The following LPXN variants were observed in gnomAD, a reference collection of about 807,000 sequenced individuals.
LPXN encodes the protein leupaxin.
A neutral mutation model predicts 45.6 loss-of-function variants in LPXN; 28 were observed. That is an observed-to-expected ratio of 0.61 (90% CI 0.45 to 0.84). The LOEUF (loss-of-function observed/expected upper bound fraction) is 0.84. Among genes scored for constraint, LPXN ranks in the 40% least tolerant of loss-of-function variants. LPXN has a pLI of 0.00. For missense variants in LPXN, 459 were observed against 475.0 expected (o/e 0.97, Z 0.31); for synonymous variants, 166 against 169.9 (o/e 0.98, Z 0.18).
intron 3 of LPXN, among the ~76,000 whole-genome samples, chr11:58,555,544 T>C (rs967699178): frequency 1.4e-4 from 21 of 152,196 alleles, no homozygotes; most frequent in African/African-American, 5.1e-4. Flanking sequence ...AAATTAACTA[T>C]GTATGAAGAT....
intron 1 of LPXN, among the ~76,000 whole-genome samples, chr11:58,573,492 T>C (rs1189929022): frequency 6.6e-6 from 1 of 152,108 alleles, no homozygotes; most frequent in Non-Finnish European, 1.5e-5. Flanking sequence ...ACAATAAAGA[T>C]TATAAGAGAG....
At chr11:58,575,947 T>C, upstream of LPXN, 2 of 1,444,968 alleles carry the variant, frequency 1.4e-6, no homozygotes, top group Non-Finnish European at 1.8e-6. Context: ...GAGCTTTTTT[T>C]TTTTTTTCAT....
chr11:58,534,105 G>A (rs1565184843), intron 7 of LPXN, among the ~76,000 whole-genome samples: 1 of 152,254 alleles, frequency 6.6e-6, no homozygotes, highest in Middle Eastern at 3.4e-3. Flanking sequence ...GTCAATATTA[G>A]ACAGATCAAT....
chr11:58,562,814 G>A (rs371011365), intron 3 of LPXN, among the ~76,000 whole-genome samples: 9 of 151,984 alleles, frequency 5.9e-5, no homozygotes, highest in Non-Finnish European at 1.0e-4. Flanking sequence ...GCGACTTGTG[G>A]GGGGGAAATG....
At chr11:58,549,738 T>G in intron 7 of LPXN, 48 bp downstream of exon 7, 1 of 1,535,646 alleles carries the variant, frequency 6.5e-7, no homozygotes, top group African/African-American at 1.4e-5. Flanking sequence ...GCTGGTCTTA[T>G]AACTACCCAC....
chr11:58,554,985 A>C, intron 3 of LPXN, 45 bp from the exon 4 acceptor site: 1 of 1,219,748 alleles, frequency 8.2e-7, no homozygotes, highest in Non-Finnish European at 1.2e-6. Flanking sequence ...ATCAAAACTC[A>C]AATAATGTTA....
chr11:58,534,430 A>C (rs750461419), intron 7 of LPXN, among the ~76,000 whole-genome samples: 1 of 152,226 alleles, frequency 6.6e-6, no homozygotes, highest in Non-Finnish European at 1.5e-5. Flanking sequence ...ACTACTGGGT[A>C]AATAAAAAAA....
At chr11:58,561,823 A>G (rs1239206731) in intron 3 of LPXN, among the ~76,000 whole-genome samples, 1 of 152,254 alleles carries the variant, frequency 6.6e-6, no homozygotes, top group Non-Finnish European at 1.5e-5. Flanking sequence ...ATACTCCAAC[A>G]GTTATTGAGT....
At chr11:58,568,464 A>G (rs561335278) in intron 2 of LPXN, among the ~76,000 whole-genome samples, 57 of 152,144 alleles carry the variant, frequency 3.7e-4, no homozygotes, top group African/African-American at 1.3e-3. Context: ...TTAGCTGCGC[A>G]TGGTGGTGCA....
Position 58,527,433 on chromosome 11 carries a change from G to T in LPXN, c.*21C>A. On this transcript the variant is annotated 3_prime_UTR_variant, in exon 9 of 9. Coordinates refer to ENST00000395074, the MANE Select transcript of LPXN (RefSeq NM_004811.3). ...GTTTAAATTTTATAAGGAATCTGAA[G>T]AGGCTATGGATCAGTTGGCATTACA... is the stretch of plus-strand genomic sequence containing the variant. The T allele has an allele frequency of 1.9e-6, 3 of 1,610,206 alleles. No individual in the cohort carries two copies. The highest frequency in any genetic ancestry group is 2.5e-6 in the Non-Finnish European group (3 of 1,176,818).
chr11:58,534,540 T>C (rs973854135), intron 7 of LPXN, among the ~76,000 whole-genome samples: 3 of 152,084 alleles, frequency 2.0e-5, no homozygotes, highest in Non-Finnish European at 4.4e-5. Flanking sequence ...AGAGGGAAAT[T>C]TATAGCACTA....
At chr11:58,578,044 C>T, upstream of LPXN, 1 of 1,550,916 alleles carries the variant, frequency 6.4e-7, no homozygotes, top group South Asian at 1.2e-5. Context: ...ATAATGTAGA[C>T]ATGAACGCTG....
At chr11:58,547,132 G>A in intron 7 of LPXN, among the ~76,000 whole-genome samples, 1 of 152,186 alleles carries the variant, frequency 6.6e-6, no homozygotes, top group East Asian at 1.9e-4. Context: ...GGCTGAAAGA[G>A]CCTATGGCAG....
intron 1 of LPXN, among the ~76,000 whole-genome samples, chr11:58,572,483 T>C (rs529698300): frequency 7.9e-5 from 12 of 152,250 alleles, no homozygotes; most frequent in Admixed American, 6.5e-4. Context: ...TAAATTTCAG[T>C]GTATGAACTT....
At chr11:58,557,042 G>A (rs952425824) in intron 3 of LPXN, among the ~76,000 whole-genome samples, 1 of 152,108 alleles carries the variant, frequency 6.6e-6, no homozygotes. Flanking sequence ...GTCAAAAGAT[G>A]GCAAATGTTG....
chr11:58,563,644 ATC>A (rs1166192196), intron 3 of LPXN, among the ~76,000 whole-genome samples: 1 of 152,212 alleles, frequency 6.6e-6, no homozygotes, highest in African/African-American at 2.4e-5. Flanking sequence ...TAGTAAGTGT[ATC>A]TGTTTTAATA....
At chr11:58,548,493 T>C (rs893411292) in intron 7 of LPXN, among the ~76,000 whole-genome samples, 1 of 151,358 alleles carries the variant, frequency 6.6e-6, no homozygotes. Context: ...CCAGATGTAG[T>C]TGGCCATTTT....
rs750155715 is a variant in LPXN, at chr11:58,551,099, T to C, written c.452A>G (p.His151Arg). ...AATCGGTTTCTGGCAGGATGCACAATGGCCCTTGGGCACTGTGGCAATGCC... is the reference window on the plus strand; with the variant it reads ...AATCGGTTTCTGGCAGGATGCACAACGGCCCTTGGGCACTGTGGCAATGCC... ...DLGIATVPKGHCASCQKPIAG... is the reference protein window; with the variant it reads ...DLGIATVPKGRCASCQKPIAG... Residue 151 changes from histidine to arginine, a missense_variant, in exon 5 of 9, where the codon CAT (histidine) becomes CGT (arginine). His to Arg is a conservative substitution (Grantham distance 29). Coordinates refer to ENST00000395074, the MANE Select transcript of LPXN (RefSeq NM_004811.3). 5 of 1,593,000 alleles carry C rather than the reference T, an allele frequency of 3.1e-6. No homozygotes were observed. Among genetic ancestry groups the C allele is most frequent in the Middle Eastern group, 1.7e-4 (1 of 5,996 alleles).
chr11:58,550,177 G>A (rs1309425164), intron 5 of LPXN, 31 bp from the exon 6 acceptor site: 1 of 1,602,652 alleles, frequency 6.2e-7, no homozygotes, highest in East Asian at 2.2e-5. Context: ...TGACACAGGA[G>A]GCCAGTTGAG....
Sources: gnomAD v4.1 joint callset for allele counts (sites outside exome capture counted in the v4.1 genomes callset) on GRCh38, gnomAD v4.1.1 for gene constraint, MANE v1.5 for transcripts, NCBI Gene and HGNC (gene_info 2026-07-23, HGNC 2026-07-21) for gene names.